SRP9: variants seen among roughly 807,000 people sequenced by gnomAD.
SRP9 encodes signal recognition particle 9, also known as signal recognition particle 9 kDa protein.
Under a neutral mutation model 11.7 loss-of-function variants are expected in SRP9, and 2 were observed. The observed-to-expected ratio is 0.17, with a 90% CI of 0.07 to 0.54. The LOEUF is 0.54. Among genes scored for constraint, SRP9 ranks in the 20% least tolerant of loss-of-function variants. SRP9 has a pLI of 0.94. For missense variants in SRP9, 54 were observed against 108.1 expected (o/e 0.50, Z 2.22); for synonymous variants, 27 against 35.6 (o/e 0.76, Z 0.86).
intron 1 of SRP9, among the ~76,000 whole-genome samples, chr1:225,781,807 G>C (rs1017285147): frequency 6.6e-6 from 1 of 151,866 alleles, no homozygotes; most frequent in Non-Finnish European, 1.5e-5. Flanking sequence ...TAAGTGTTTC[G>C]TTTCTAGAGA....
At chr1:225,786,957 T>G (rs1008707300) in intron 2 of SRP9, 1 of 529,968 alleles carries the variant, frequency 1.9e-6, no homozygotes, top group Non-Finnish European at 3.2e-6. Context: ...GTCCTCTTGC[T>G]TCAGCCTCCT....
At chr1:225,785,739 A>G (rs982255317) in intron 2 of SRP9, among the ~76,000 whole-genome samples, 3 of 147,052 alleles carry the variant, frequency 2.0e-5, no homozygotes, top group African/African-American at 5.1e-5. Flanking sequence ...CTGGAGTGCA[A>G]TGGTTCATTC....
At position 225,783,303 on chromosome 1, in the gene SRP9, C is replaced by A. The variant is rs1350656536; in HGVS notation, c.76C>A (p.Arg26Ser). 6.2e-7 allele frequency: 1 copy of A among 1,610,840 alleles called. No homozygotes were observed. Among genetic ancestry groups the A allele is most frequent in the Non-Finnish European group, 8.5e-7 (1 of 1,177,854 alleles). Residue 26 changes from arginine (R) to serine (S), a missense_variant, in exon 2 of 3, where the codon CGT (arginine) becomes AGT (serine). Coordinates refer to ENST00000304786, the MANE Select transcript of SRP9 (RefSeq NM_003133.6). ...KLYLADPMKA[R>S]VVLKYRHSDG... ...TAAATATGTATTTTTGTTTCAGGCA[C>A]GTGTGGTTCTCAAATATAGGCATTC...
At chr1:225,781,717 A>T (rs1366745339) in intron 1 of SRP9, among the ~76,000 whole-genome samples, 1 of 152,002 alleles carries the variant, frequency 6.6e-6, no homozygotes, top group African/African-American at 2.4e-5. Context: ...TTTAACTCTC[A>T]TTTCTCCTAA....
In SRP9 at chr1:225,777,923, T is replaced by C. The variant is rs1376018889; in HGVS notation, c.-18T>C. On this transcript the variant is annotated 5_prime_UTR_variant, in exon 1 of 3. Coordinates refer to ENST00000304786, the MANE Select transcript of SRP9 (RefSeq NM_003133.6). ...TTCTGAGGCCTTGCTTCTCTTTACTTTTCCACTCTAGGCCACGATGCCGCA... is the reference window on the plus strand; with the variant it reads ...TTCTGAGGCCTTGCTTCTCTTTACTCTTCCACTCTAGGCCACGATGCCGCA... 36 of 1,612,290 alleles carry C rather than the reference T, an allele frequency of 2.2e-5. No individual in the cohort carries two copies. Among genetic ancestry groups the C allele is most frequent in the Non-Finnish European group, 2.9e-5 (34 of 1,178,786 alleles).
At chr1:225,788,945 T>G in intron 2 of SRP9, 1 of 1,477,846 alleles carries the variant, frequency 6.8e-7, no homozygotes, top group Non-Finnish European at 9.1e-7. Context: ...TTCTAAGTCT[T>G]GAGTTCTTCT....
intron 1 of SRP9, among the ~76,000 whole-genome samples, chr1:225,782,397 T>G (rs1665818647): frequency 6.6e-6 from 1 of 152,008 alleles, no homozygotes; most frequent in South Asian, 2.1e-4. Flanking sequence ...ATCTCCTGAC[T>G]TTATGATCCA....
intron 1 of SRP9, among the ~76,000 whole-genome samples, 192 bp from the exon 2 acceptor site, chr1:225,783,108 G>T (rs1665831603): frequency 6.6e-6 from 1 of 151,992 alleles, no homozygotes; most frequent in Non-Finnish European, 1.5e-5. Context: ...TAAATAAATG[G>T]TAGCAAAGGA....
chr1:225,787,300 T>C (rs1466518835), intron 2 of SRP9, among the ~76,000 whole-genome samples: 1 of 152,090 alleles, frequency 6.6e-6, no homozygotes, highest in African/African-American at 2.4e-5. Flanking sequence ...TTTGGGAGGC[T>C]GAGGTGGGCG....
At chr1:225,781,728 A>G (rs1057277488) in intron 1 of SRP9, among the ~76,000 whole-genome samples, 3 of 152,162 alleles carry the variant, frequency 2.0e-5, no homozygotes, top group African/African-American at 7.2e-5. Context: ...TTTCTCCTAA[A>G]TGAAACCAGT....
At chr1:225,781,763 A>ACCTTT (rs1275810137) in intron 1 of SRP9, among the ~76,000 whole-genome samples, 4 of 152,182 alleles carry the variant, frequency 2.6e-5, no homozygotes, top group Non-Finnish European at 5.9e-5. Context: ...CTGAGAGTTA[A>ACCTTT]AACTTCACAT....
chr1:225,787,816 T>C (rs1484128466), intron 2 of SRP9, among the ~76,000 whole-genome samples: 1 of 152,188 alleles, frequency 6.6e-6, no homozygotes, highest in Non-Finnish European at 1.5e-5. Context: ...TGATGAAGAT[T>C]AATATGGCCT....
intron 1 of SRP9, among the ~76,000 whole-genome samples, chr1:225,782,587 T>A (rs1304715494): frequency 2.0e-5 from 3 of 152,228 alleles, no homozygotes; most frequent in Admixed American, 1.3e-4. Flanking sequence ...GAAGTGTTCT[T>A]GGGAGATGTC....
intron 1 of SRP9, among the ~76,000 whole-genome samples, chr1:225,782,146 TTTTTATTTTA>T (rs1164012746): frequency 1.3e-5 from 2 of 151,922 alleles, no homozygotes; most frequent in Admixed American, 1.3e-4. Context: ...TAAGTAGCAG[TTTTTATTTTA>T]TTTTATTTTA....
intron 1 of SRP9, among the ~76,000 whole-genome samples, chr1:225,782,366 G>T: frequency 6.6e-6 from 1 of 151,870 alleles, no homozygotes; most frequent in Non-Finnish European, 1.5e-5. Context: ...GGGTTTCACC[G>T]TGTTAGCCAG....
At chr1:225,786,825 GTTGA>G (rs770944355) in intron 2 of SRP9, 7 of 1,257,004 alleles carry the variant, frequency 5.6e-6, no homozygotes, top group East Asian at 5.7e-5. Flanking sequence ...TCTTTTGTTT[GTTGA>G]TTGGTTGGTT....
chr1:225,786,240 TCTTG>T (rs1232266540), intron 2 of SRP9, among the ~76,000 whole-genome samples: 1 of 152,256 alleles, frequency 6.6e-6, no homozygotes, highest in African/African-American at 2.4e-5. Flanking sequence ...TTACTTCATT[TCTTG>T]CTTTTCATTT....
At chr1:225,780,119 TCCTC>T (rs1665763546) in intron 1 of SRP9, among the ~76,000 whole-genome samples, 2 of 150,798 alleles carry the variant, frequency 1.3e-5, no homozygotes, top group East Asian at 2.0e-4. Context: ...GCTCGAGTGA[TCCTC>T]CCACCTCAGC....
intron 2 of SRP9, among the ~76,000 whole-genome samples, chr1:225,785,217 T>C (rs11583520): frequency 0.45 from 67,111 of 147,624 alleles, 15,897 homozygotes; most frequent in East Asian, 0.81. Context: ...ACTACAGCCG[T>C]GCACCACCAC....
Sources: allele counts gnomAD v4.1 joint callset (sites outside exome capture counted in the v4.1 genomes callset), GRCh38; gene constraint gnomAD v4.1.1; transcripts MANE v1.5; gene names NCBI Gene and HGNC (gene_info 2026-07-23, HGNC 2026-07-21).